The following MTRES1 variants were observed in gnomAD, a reference collection of about 807,000 sequenced individuals.
MTRES1 encodes the protein mitochondrial transcription rescue factor 1.
Under a neutral mutation model 17.4 loss-of-function variants are expected in MTRES1, and 11 were observed. The ratio of observed to expected loss-of-function variants is 0.63; its 90% CI spans 0.40 to 1.05. The LOEUF (loss-of-function observed/expected upper bound fraction) is 1.05. MTRES1 is among the 50% of genes least tolerant of loss of function. MTRES1 has a pLI of 0.00. For missense variants in MTRES1, 268 were observed against 276.2 expected, an observed-to-expected ratio of 0.97 and a Z score of 0.21; for synonymous variants, 94 against 99.6, an observed-to-expected ratio of 0.94 and a Z score of 0.34.
chr6:107,032,846 C>T (rs570905934), intron 1 of MTRES1, among the ~76,000 whole-genome samples: 1 of 152,192 alleles, frequency 6.6e-6, no homozygotes, highest in Non-Finnish European at 1.5e-5. Context: ...CCCCATAGCT[C>T]GGTTTCAGGC....
intron 2 of MTRES1, 73 bp from the exon 3 acceptor site, chr6:107,044,187 T>C: frequency 9.8e-7 from 1 of 1,017,744 alleles, no homozygotes; most frequent in East Asian, 2.4e-5. Flanking sequence ...ATATACTGTA[T>C]AGTGATGAAG....
intron 2 of MTRES1, 42 bp downstream of exon 2, chr6:107,040,272 A>G (rs311207): frequency 0.98 from 1,488,025 of 1,522,216 alleles, 727,995 homozygotes; most frequent in East Asian, 1. Context: ...GCTCGTAGTC[A>G]TGTTATTTTA....
At chr6:107,041,378 G>A (rs1236679280) in intron 2 of MTRES1, among the ~76,000 whole-genome samples, 1 of 151,774 alleles carries the variant, frequency 6.6e-6, no homozygotes, top group Non-Finnish European at 1.5e-5. Flanking sequence ...TTAGAGAGTG[G>A]TTGCTAGGAT....
chr6:107,043,157 C>G (rs1265412997), intron 2 of MTRES1, among the ~76,000 whole-genome samples: 1 of 151,966 alleles, frequency 6.6e-6, no homozygotes, highest in Non-Finnish European at 1.5e-5. Flanking sequence ...TGGTGAAACC[C>G]CGTCTCTACT....
At chr6:107,036,398 C>G (rs782013176) in intron 1 of MTRES1, among the ~76,000 whole-genome samples, 11 of 151,910 alleles carry the variant, frequency 7.2e-5, no homozygotes, top group Non-Finnish European at 1.5e-4. Flanking sequence ...ACAAAATTAG[C>G]CAGACGTGGT....
intron 2 of MTRES1, among the ~76,000 whole-genome samples, chr6:107,042,358 G>A (rs1336020685): frequency 3.5e-5 from 3 of 86,398 alleles, no homozygotes; most frequent in African/African-American, 9.3e-5. Flanking sequence ...AAAAAAAAAA[G>A]GTTCATAAAA....
At chr6:107,035,367 C>T (rs1773974795) in intron 1 of MTRES1, among the ~76,000 whole-genome samples, 2 of 151,894 alleles carry the variant, frequency 1.3e-5, no homozygotes, top group South Asian at 4.2e-4. Context: ...AAACTCAGGT[C>T]ATCAGTCCAC....
intron 3 of MTRES1, among the ~76,000 whole-genome samples, chr6:107,045,731 C>T (rs117960430): frequency 0.01 from 1,567 of 152,164 alleles, 16 homozygotes; most frequent in Middle Eastern, 0.071. Context: ...ATGACAGAGA[C>T]CCTTAAAAAG....
intron 2 of MTRES1, among the ~76,000 whole-genome samples, chr6:107,041,569 A>G (rs1295609481): frequency 6.6e-6 from 1 of 152,018 alleles, no homozygotes; most frequent in East Asian, 1.9e-4. Flanking sequence ...TCTGTTGCCC[A>G]GGCTGGAGTG....
chr6:107,048,291 C>T (rs909229178), intron 3 of MTRES1, among the ~76,000 whole-genome samples: 61 of 151,808 alleles, frequency 4.0e-4, no homozygotes, highest in African/African-American at 1.4e-3. Flanking sequence ...CCTACCATCA[C>T]GTTCTGATAA....
At position 107,030,368 on chromosome 6, in the gene MTRES1, G is replaced by A. The variant is rs1773795593; in HGVS notation, c.-13+2097G>A. Among the ~76,000 whole-genome samples, 3 of 152,258 alleles carry A rather than the reference G, an allele frequency of 2.0e-5. No individual in the cohort carries two copies. The South Asian group carries it at 6.2e-4, about 32-fold the overall frequency. ...CAGCTATTGTGTTGCAGGTCCCCAG[G>A]TTCATTGATTCACTAAGAGGACTCA... On this transcript the variant is annotated intron_variant, in intron 1 of 3. Coordinates refer to ENST00000311381, the MANE Select transcript of MTRES1 (RefSeq NM_016487.5).
chr6:107,051,293 G>GA lies in MTRES1; in HGVS notation c.*62dup. On this transcript the variant is annotated 3_prime_UTR_variant, in exon 4 of 4. Coordinates refer to ENST00000311381, the MANE Select transcript of MTRES1 (RefSeq NM_016487.5). ...CTAGTGGTAAAGGAAGGGGTCACCT[G>GA]AAAAATAGGACATTTTTATTAAAAT... 2 of 1,348,612 alleles carry GA rather than the reference G, an allele frequency of 1.5e-6. No homozygotes were observed. Among genetic ancestry groups the GA allele is most frequent in the South Asian group, 1.4e-5 (1 of 73,860 alleles). The allele number at this position is 1,348,612 out of a possible 1,614,324, so 83.5% of individuals were successfully genotyped here. A position where few individuals can be genotyped will look rare whatever the true frequency, so the allele number is the denominator to read the frequency against.
At chr6:107,039,591 A>G (rs1164266458) in intron 1 of MTRES1, among the ~76,000 whole-genome samples, 158 bp from the exon 2 acceptor site, 2 of 152,168 alleles carry the variant, frequency 1.3e-5, no homozygotes, top group African/African-American at 2.4e-5. Context: ...AAGTGCTGAG[A>G]TTACAGGCGT....
chr6:107,031,891 G>A (rs941424625), intron 1 of MTRES1, among the ~76,000 whole-genome samples: 9 of 152,252 alleles, frequency 5.9e-5, no homozygotes, highest in African/African-American at 7.2e-5. Context: ...ATGAGCCACC[G>A]TGTCCGGCCA....
At chr6:107,047,000 C>T (rs1266477837) in intron 3 of MTRES1, among the ~76,000 whole-genome samples, 3 of 150,154 alleles carry the variant, frequency 2.0e-5, no homozygotes, top group African/African-American at 7.4e-5. Flanking sequence ...GACGGGGTTT[C>T]ACTGTGTTAG....
chr6:107,051,431 C>T lies in MTRES1; in HGVS notation c.*195C>T, dbSNP rs116301521. 886 of 460,680 alleles carry T rather than the reference C, an allele frequency of 1.9e-3. 4 individuals are homozygous for T. In the African/African-American group the frequency reaches 0.024, roughly 13 times the overall value. 28.5% of individuals were successfully genotyped at this position (460,680 alleles called of 1,614,324 possible). On this transcript the variant is annotated 3_prime_UTR_variant, in exon 4 of 4. Transcript: ENST00000311381. Reference sequence around the variant, plus strand: ...ACCTCCACCCCCTGCCCACCTTGATCCATGCTCCTTTGACCTCCTCGTGTG... The same window carrying T: ...ACCTCCACCCCCTGCCCACCTTGATTCATGCTCCTTTGACCTCCTCGTGTG...
chr6:107,041,190 A>T (rs1582607623), intron 2 of MTRES1, among the ~76,000 whole-genome samples: 5 of 147,814 alleles, frequency 3.4e-5, no homozygotes, highest in Admixed American at 6.9e-5. Context: ...ACGCCATTGC[A>T]CTCCAGCCTG....
rs1282445513 is a variant in MTRES1 at position 107,028,276 on chromosome 6, G to C, written c.-13+5G>C. The C allele has an allele frequency of 1.3e-5, 2 of 152,214 alleles. No individual in the cohort carries two copies. The highest frequency in any genetic ancestry group is 2.9e-5 in the Non-Finnish European group (2 of 68,146). The allele number at this position is 152,214 out of a possible 1,614,324, so 9.4% of individuals were successfully genotyped here. On this transcript the variant is annotated splice_donor_5th_base_variant and intron_variant, in intron 1 of 3. Coordinates refer to ENST00000311381, the MANE Select transcript of MTRES1 (RefSeq NM_016487.5). ...ACGAGAGGGCCTGACGTACAGGTGA[G>C]TGCGCCTCTGCTGGCGCGCCGCGCC...
chr6:107,033,813 G>A (rs999893517), intron 1 of MTRES1, among the ~76,000 whole-genome samples: 13 of 151,990 alleles, frequency 8.6e-5, no homozygotes, highest in African/African-American at 2.9e-4. Context: ...ACAAGACTCC[G>A]TCTCAAAAAT....
Sources: allele counts gnomAD v4.1 joint callset (sites outside exome capture counted in the v4.1 genomes callset), GRCh38; gene constraint gnomAD v4.1.1; transcripts MANE v1.5; gene names NCBI Gene and HGNC (gene_info 2026-07-23, HGNC 2026-07-21).